ROCK1: variants seen among roughly 807,000 people sequenced by gnomAD.
The protein encoded by ROCK1 is Rho associated coiled-coil containing protein kinase 1.
ROCK1 carries 36 observed loss-of-function variants against 196.8 expected under a neutral mutation model. The ratio of observed to expected loss-of-function variants is 0.18; its 90% CI spans 0.14 to 0.24. The LOEUF (loss-of-function observed/expected upper bound fraction) is 0.24, where lower values mean the gene tolerates loss of function less well. Ranked by LOEUF, ROCK1 falls within the 10% of genes least tolerant of loss-of-function variation. The probability of loss-of-function intolerance (pLI) is 1.00; values close to 1 mark genes in which losing one functional copy is unlikely to be tolerated. For missense variants in ROCK1, 920 were observed against 1,562.0 expected (o/e 0.59, Z 6.93); for synonymous variants, 443 against 515.9 (o/e 0.86, Z 1.91).
chr18:20,969,157 CTCT>C lies in ROCK1; in HGVS notation c.2869_2871del (p.Arg957del). On this transcript the variant is annotated inframe_deletion, in exon 24 of 33. Transcript: ENST00000399799. ...ATTTTCTCTGTTAGCTCTTCATTCT[CTCT>C]TCTTAATATTTCAATATCTTTGGTT... The C allele has an allele frequency of 6.2e-7, 1 of 1,604,362 alleles. No individual in the cohort carries two copies. Among genetic ancestry groups the C allele is most frequent in the Non-Finnish European group, 8.5e-7 (1 of 1,178,232 alleles).
chr18:21,023,743 C>A, intron 10 of ROCK1, 63 bp from the exon 11 acceptor site: 1 of 868,006 alleles, frequency 1.2e-6, no homozygotes, highest in Non-Finnish European at 1.8e-6. Context: ...CCCATGACAA[C>A]CAATAATAAA....
chr18:20,987,097 CT>C lies in ROCK1; in HGVS notation c.2156del (p.Lys719SerfsTer2), dbSNP rs1444380583. The C allele has an allele frequency of 2.5e-6, 4 of 1,611,080 alleles. No homozygotes were observed. Among genetic ancestry groups the C allele is most frequent in the South Asian group, 2.2e-5 (2 of 89,924 alleles). On this transcript the variant is annotated frameshift_variant, in exon 19 of 33. Coordinates refer to ENST00000399799, the MANE Select transcript of ROCK1 (RefSeq NM_005406.3). LOFTEE classifies it high-confidence loss of function. Reference sequence around the variant, plus strand: ...CTCGAGCTTCTCTTTCTTCTTTCAGCTTTTTTTCCATCTCTGGGAAAGCAAA... The same window carrying C: ...CTCGAGCTTCTCTTTCTTCTTTCAGCTTTTTTCCATCTCTGGGAAAGCAAA... ...KSVAMCEMEK[K>X]LKEEREAREK... is the part of the protein sequence containing the mutation.
At chr18:21,033,067 C>T (rs1449871838) in intron 9 of ROCK1, among the ~76,000 whole-genome samples, 3 of 151,996 alleles carry the variant, frequency 2.0e-5, no homozygotes, top group Admixed American at 2.0e-4. Context: ...TGTGGTGACA[C>T]ATGACCGTGG....
At chr18:21,019,524 T>A (rs1385685843) in intron 12 of ROCK1, among the ~76,000 whole-genome samples, 1 of 152,012 alleles carries the variant, frequency 6.6e-6, no homozygotes, top group Non-Finnish European at 1.5e-5. Context: ...CCGGGTGCGG[T>A]GGCTCACACC....
intron 22 of ROCK1, among the ~76,000 whole-genome samples, chr18:20,976,185 C>G (rs554052376): frequency 6.6e-6 from 1 of 152,272 alleles, no homozygotes; most frequent in Middle Eastern, 3.4e-3. Flanking sequence ...TCCTTTACAA[C>G]TCTCCATAAT....
chr18:20,974,266 G>A (rs2035458550), intron 22 of ROCK1, among the ~76,000 whole-genome samples: 1 of 152,176 alleles, frequency 6.6e-6, no homozygotes, highest in African/African-American at 2.4e-5. Context: ...GTAGAGACGA[G>A]ATGTGAAATA....
chr18:20,956,647 A>C (rs2035244892), intron 29 of ROCK1, among the ~76,000 whole-genome samples: 1 of 152,198 alleles, frequency 6.6e-6, no homozygotes, highest in Admixed American at 6.5e-5. Flanking sequence ...CTAAACATCC[A>C]CCTCTTACCA....
intron 1 of ROCK1, among the ~76,000 whole-genome samples, chr18:21,088,430 G>A (rs1022669235): frequency 6.6e-6 from 1 of 152,182 alleles, no homozygotes; most frequent in Non-Finnish European, 1.5e-5. Flanking sequence ...CCCCTGAAAG[G>A]TCAAGGCTAG....
rs572908564 is a variant in ROCK1, at chr18:21,018,429, C to G, written c.1361+1722G>C. Among the ~76,000 whole-genome samples, 3 of 151,492 alleles carry G rather than the reference C, an allele frequency of 2.0e-5. No homozygotes were observed. In the East Asian group the frequency reaches 5.9e-4, roughly 30 times the overall value. On this transcript the variant is annotated intron_variant, in intron 12 of 32. Coordinates refer to ENST00000399799, the MANE Select transcript of ROCK1 (RefSeq NM_005406.3). ...CCTGTAATCCCAGCTACTCGGGGGA[C>G]TGAGGCAAGAGAATCACTTGAACCC...
chr18:21,090,008 T>C (rs549863134), intron 1 of ROCK1, among the ~76,000 whole-genome samples: 1 of 152,348 alleles, frequency 6.6e-6, no homozygotes, highest in South Asian at 2.1e-4. Context: ...ATTAGTGGCA[T>C]TGTAGAATCT....
intron 2 of ROCK1, among the ~76,000 whole-genome samples, chr18:21,058,274 T>C (rs945527585): frequency 5.3e-5 from 8 of 152,136 alleles, no homozygotes; most frequent in Non-Finnish European, 8.8e-5. Context: ...GTTGCTTTTC[T>C]AATGAAAAAA....
chr18:21,035,550 A>G (rs951941751), intron 9 of ROCK1, among the ~76,000 whole-genome samples: 2 of 150,240 alleles, frequency 1.3e-5, no homozygotes, highest in Non-Finnish European at 2.9e-5. Flanking sequence ...GTATATACTC[A>G]AATTAATAGA....
chr18:20,984,649 A>G lies in ROCK1; in HGVS notation c.2305-114T>C, dbSNP rs374716135. 2.0e-4 allele frequency: 145 copies of G among 712,046 alleles called. No individual in the cohort carries two copies. The African/African-American group carries it at 2.3e-3, about 11-fold the overall frequency. The allele number at this position is 712,046 out of a possible 1,614,324, so 44.1% of individuals were successfully genotyped here. On this transcript the variant is annotated intron_variant, in intron 19 of 32. Transcript: ENST00000399799. Reference sequence around the variant, plus strand: ...TTATAATTCATGGTACTAGTAGAAAATATTAGTATTTTAAAGAGTCTTCAT... The same window carrying G: ...TTATAATTCATGGTACTAGTAGAAAGTATTAGTATTTTAAAGAGTCTTCAT...
At chr18:21,005,612 C>T (rs1398445863) in intron 16 of ROCK1, among the ~76,000 whole-genome samples, 1 of 152,098 alleles carries the variant, frequency 6.6e-6, no homozygotes, top group Non-Finnish European at 1.5e-5. Context: ...TGTGGTGTCT[C>T]ACACCCATAA....
intron 2 of ROCK1, among the ~76,000 whole-genome samples, chr18:21,056,353 C>T (rs1260060611): frequency 2.0e-5 from 3 of 152,184 alleles, no homozygotes; most frequent in Non-Finnish European, 4.4e-5. Flanking sequence ...AAAACTTATA[C>T]CTATGTGTCC....
rs896695363 is a variant in ROCK1, at chr18:20,960,023, C to T, written c.3424-95G>A. The T allele has an allele frequency of 1.1e-5, 11 of 1,025,490 alleles. No individual in the cohort carries two copies. The South Asian group carries it at 1.5e-4, about 14-fold the overall frequency. 63.5% of individuals were successfully genotyped at this position (1,025,490 alleles called of 1,614,324 possible). ...ATTTGCCACTAATATCTAGATTATA[C>T]TGTATTAATGTAAAATAAATGCTAG... is the stretch of plus-strand genomic sequence containing the variant. On this transcript the variant is annotated intron_variant, in intron 28 of 32. Coordinates refer to ENST00000399799, the MANE Select transcript of ROCK1 (RefSeq NM_005406.3).
Position 20,954,942 on chromosome 18 carries a change from T to C in ROCK1, c.3694A>G (p.Ile1232Val). The C allele has an allele frequency of 6.2e-7, 1 of 1,613,932 alleles. No individual in the cohort carries two copies. The highest frequency in any genetic ancestry group is 1.3e-5 in the African/African-American group (1 of 75,066). ...GCAGGAAAGTGGTAGAGTGTAGGAATAAACTCATGGCCTTTGTGATTTTGG... is the reference window on the plus strand; with the variant it reads ...GCAGGAAAGTGGTAGAGTGTAGGAACAAACTCATGGCCTTTGTGATTTTGG... ...NFQNHKGHEF[I>V]PTLYHFPANC... Residue 1232 changes from isoleucine (I) to valine (V), a missense_variant, in exon 31 of 33, where the codon ATT becomes GTT. Coordinates refer to ENST00000399799, the MANE Select transcript of ROCK1 (RefSeq NM_005406.3).
At chr18:21,096,633 T>C (rs1030671816) in intron 1 of ROCK1, among the ~76,000 whole-genome samples, 6 of 152,218 alleles carry the variant, frequency 3.9e-5, no homozygotes, top group African/African-American at 7.2e-5. Context: ...ATGAGCATTA[T>C]TGAACATGAT....
intron 1 of ROCK1, among the ~76,000 whole-genome samples, chr18:21,071,090 T>TA (rs1429911175): frequency 1.3e-5 from 2 of 152,100 alleles, no homozygotes; most frequent in African/African-American, 2.4e-5. Context: ...AAAAATGTAT[T>TA]AGATTGTCAT....
Sources: gnomAD v4.1 joint callset for allele counts (sites outside exome capture counted in the v4.1 genomes callset) on GRCh38, gnomAD v4.1.1 for gene constraint, MANE v1.5 for transcripts, NCBI Gene and HGNC (gene_info 2026-07-23, HGNC 2026-07-21) for gene names.